The following ERG variants were observed in gnomAD, a reference collection of about 807,000 sequenced individuals.
ERG encodes the protein transcriptional regulator ERG.
A neutral mutation model predicts 55.3 loss-of-function variants in ERG; 9 were observed. That is an observed-to-expected ratio of 0.16 (90% CI 0.10 to 0.28). The LOEUF (loss-of-function observed/expected upper bound fraction) is 0.28, where lower values mean the gene tolerates loss of function less well. Ranked by LOEUF, ERG falls within the 10% of genes least tolerant of loss-of-function variation. The probability of loss-of-function intolerance (pLI) is 1.00; values close to 1 mark genes in which losing one functional copy is unlikely to be tolerated. For missense variants in ERG, 434 were observed against 631.6 expected, an observed-to-expected ratio of 0.69 and a Z score of 3.35; for synonymous variants, 223 against 237.3, an observed-to-expected ratio of 0.94 and a Z score of 0.55.
At chr21:38,404,130 A>T (rs191533323) in intron 3 of ERG, among the ~76,000 whole-genome samples, 1 of 152,200 alleles carries the variant, frequency 6.6e-6, no homozygotes, top group African/African-American at 2.4e-5. Flanking sequence ...TAAGCCACAC[A>T]TATCAGGAAG....
intron 2 of ERG, among the ~76,000 whole-genome samples, chr21:38,443,622 C>T (rs138240540): frequency 2.7e-3 from 411 of 152,280 alleles, no homozygotes; most frequent in African/African-American, 9.4e-3. Context: ...TAATGATCAA[C>T]AGAAACATTG....
chr21:38,616,864 A>G (rs1029566777), intron 1 of ERG, among the ~76,000 whole-genome samples: 2 of 152,194 alleles, frequency 1.3e-5, no homozygotes, highest in Non-Finnish European at 2.9e-5. Flanking sequence ...TTGATTGCTG[A>G]AATTTTCTTG....
intron 1 of ERG, among the ~76,000 whole-genome samples, chr21:38,609,435 G>A (rs1395642510): frequency 4.0e-5 from 6 of 151,180 alleles, no homozygotes; most frequent in Middle Eastern, 6.8e-3. Context: ...ACTCGACACT[G>A]GAAAAAAACA....
upstream of ERG, chr21:38,498,621 T>C (rs2146693660): frequency 1.4e-6 from 1 of 712,060 alleles, no homozygotes; most frequent in Non-Finnish European, 2.0e-6. The surrounding 1 kb of genome is among the most constrained non-coding windows in gnomAD (Gnocchi z 4.6). Context: ...TTCTTGATGA[T>C]ATGCAGCCAG....
At chr21:38,561,709 T>C (rs1315926391) in intron 2 of ERG, among the ~76,000 whole-genome samples, 1 of 152,210 alleles carries the variant, frequency 6.6e-6, no homozygotes, top group Non-Finnish European at 1.5e-5. Context: ...TACCATATCA[T>C]AAAATTTTAT....
chr21:38,465,168 T>C (rs1488312631), intron 1 of ERG, among the ~76,000 whole-genome samples: 5 of 152,182 alleles, frequency 3.3e-5, no homozygotes, highest in Admixed American at 3.3e-4. Flanking sequence ...TGTAATTGTG[T>C]TTCTGAAGTG....
intron 2 of ERG, among the ~76,000 whole-genome samples, chr21:38,512,710 A>T (rs1819866470): frequency 6.6e-6 from 1 of 152,212 alleles, no homozygotes; most frequent in Non-Finnish European, 1.5e-5. Flanking sequence ...CCCCTTTTCA[A>T]GTCAAACAGT....
chr21:38,478,745 A>G (rs1184123831), intron 1 of ERG, among the ~76,000 whole-genome samples: 1 of 152,244 alleles, frequency 6.6e-6, no homozygotes. Flanking sequence ...AAAAGAAATC[A>G]TAGTGTTTGA....
At chr21:38,602,651 A>T (rs2146913155) in intron 1 of ERG, among the ~76,000 whole-genome samples, 1 of 152,092 alleles carries the variant, frequency 6.6e-6, no homozygotes, top group Admixed American at 6.5e-5. Flanking sequence ...AGCACAGAGC[A>T]ACCACACTGG....
intron 2 of ERG, among the ~76,000 whole-genome samples, chr21:38,548,275 A>T (rs2059800458): frequency 3.9e-5 from 6 of 152,152 alleles, no homozygotes; most frequent in Admixed American, 3.3e-4. Flanking sequence ...ACCAAGTACC[A>T]CCAAGAAATC....
Position 38,650,024 on chromosome 21 carries a change from C to T in ERG, c.-150+11634G>A, listed in dbSNP as rs534633847. ...TGTTTGGTTACCAATAATTGTGCTG[C>T]CTTAGGTGTAAAATTCAATATGGTG... On this transcript the variant is annotated intron_variant, in intron 1 of 10. Coordinates refer to the ERG transcript ENST00000398910. 4.2e-4 allele frequency among the ~76,000 whole-genome samples: 64 copies of T among 152,262 alleles called. 1 individual carries two copies. In the South Asian group the frequency reaches 0.013, roughly 31 times the overall value.
intron 1 of ERG, among the ~76,000 whole-genome samples, chr21:38,463,475 A>G (rs561642960): frequency 6.6e-6 from 1 of 152,262 alleles, no homozygotes; most frequent in East Asian, 1.9e-4. Flanking sequence ...TCTTTTTCAG[A>G]GCCTGTAAGT....
intron 3 of ERG, among the ~76,000 whole-genome samples, chr21:38,420,797 C>T (rs1015895610): frequency 6.6e-6 from 1 of 152,208 alleles, no homozygotes; most frequent in Non-Finnish European, 1.5e-5. Context: ...TGGTACCAGG[C>T]ATTACCTCTT....
At chr21:38,418,788 G>A (rs527956248) in intron 3 of ERG, among the ~76,000 whole-genome samples, 2 of 151,808 alleles carry the variant, frequency 1.3e-5, no homozygotes, top group East Asian at 2.0e-4. Context: ...TTAGCCTGGC[G>A]TGGTGGCGGG....
intron 1 of ERG, among the ~76,000 whole-genome samples, chr21:38,597,610 G>T (rs2060140003): frequency 6.6e-6 from 1 of 152,080 alleles, no homozygotes; most frequent in African/African-American, 2.4e-5. Flanking sequence ...TTGGTTGTAG[G>T]ATGTCCTGGG....
rs33994175 is a variant in ERG, at chr21:38,473,159, C to CAAAA, written c.18+25200_18+25203dup. On this transcript the variant is annotated intron_variant, in intron 1 of 9. Coordinates refer to ENST00000288319, the MANE Select transcript of ERG (RefSeq NM_182918.4). ...TTCAAAATGAAATGGAGGATGCGCT[C>CAAAA]AAAAAAAAAAAAAAAAAAAAGGCTT... Among the ~76,000 whole-genome samples the CAAAA allele has an allele frequency of 2.5e-3, 264 of 106,000 alleles. 4 individuals carry two copies. The highest frequency in any genetic ancestry group is 9.8e-3 in the African/African-American group (247 of 25,250). The allele number at this position is 106,000 out of a possible 152,430, so 69.5% of individuals were successfully genotyped here.
At chr21:38,621,405 G>A (rs950837956) in intron 1 of ERG, among the ~76,000 whole-genome samples, 8 of 152,138 alleles carry the variant, frequency 5.3e-5, no homozygotes, top group African/African-American at 1.7e-4. Context: ...GTTCCAGGTG[G>A]CAACTTGAAG....
intron 3 of ERG, among the ~76,000 whole-genome samples, chr21:38,406,101 G>A (rs972177793): frequency 1.4e-5 from 2 of 141,162 alleles, no homozygotes; most frequent in African/African-American, 5.3e-5. Context: ...CTTGCAGTGA[G>A]CCAAGATCAG....
chr21:38,622,948 C>G (rs2060301593), intron 1 of ERG, among the ~76,000 whole-genome samples: 1 of 3,338 alleles, frequency 3.0e-4, no homozygotes. Flanking sequence ...CACACACACA[C>G]ACACACATCA....
Sources: gnomAD v4.1 joint callset for allele counts (sites outside exome capture counted in the v4.1 genomes callset) on GRCh38, gnomAD v4.1.1 for gene constraint, Gnocchi (gnomAD v3.1) non-coding constraint, MANE v1.5 for transcripts, NCBI Gene and HGNC (gene_info 2026-07-23, HGNC 2026-07-21) for gene names.